MEI4: variants seen among roughly 807,000 people sequenced by gnomAD.
MEI4 encodes the protein meiotic double-stranded break formation protein 4.
In MEI4, 27 loss-of-function variants were observed where a neutral mutation model predicts 31.4. The observed-to-expected ratio is 0.86, with a 90% CI of 0.63 to 1.19. MEI4 has a LOEUF of 1.19. MEI4 is among the 50% of genes most tolerant of loss of function. MEI4 has a pLI of 0.00. For synonymous variants in MEI4, 122 were observed against 145.4 expected (o/e 0.84, Z 1.16); for missense variants, 329 against 398.9 (o/e 0.82, Z 1.49).
chr6:77,777,945 T>C (rs552009456), intron 3 of MEI4, among the ~76,000 whole-genome samples: 194 of 151,866 alleles, frequency 1.3e-3, no homozygotes, highest in Middle Eastern at 3.4e-3. Flanking sequence ...GTTTGGAAGG[T>C]TTGGTACATA....
chr6:77,781,079 A>G (rs1399371682), intron 3 of MEI4, among the ~76,000 whole-genome samples: 2 of 151,832 alleles, frequency 1.3e-5, no homozygotes, highest in East Asian at 1.9e-4. Context: ...TTTGTTTTTT[A>G]TAGAGACAGG....
rs910244569 is a variant in MEI4, at chr6:77,743,267, T to C, written c.233-17863T>C. 6.6e-5 allele frequency among the ~76,000 whole-genome samples: 10 copies of C among 152,290 alleles called. No homozygotes were observed. In the East Asian group the frequency reaches 1.7e-3, roughly 26 times the overall value. ...CCTACCCATGAGCATGGAATGTTCTTCCATTTGTTTGTATCCTCTTTTATT... is the reference window on the plus strand; with the variant it reads ...CCTACCCATGAGCATGGAATGTTCTCCCATTTGTTTGTATCCTCTTTTATT... On this transcript the variant is annotated intron_variant, in intron 2 of 4. Transcript: ENST00000684080.
upstream of MEI4, among the ~76,000 whole-genome samples, chr6:77,651,267 CAT>C (rs1201216747): frequency 6.6e-6 from 1 of 152,088 alleles, no homozygotes; most frequent in East Asian, 1.9e-4. Flanking sequence ...CAGGAAGCCA[CAT>C]ATGTATGGAG....
At chr6:77,807,223 TAAG>T (rs1158059087) in intron 3 of MEI4, among the ~76,000 whole-genome samples, 1 of 151,878 alleles carries the variant, frequency 6.6e-6, no homozygotes, top group Non-Finnish European at 1.5e-5. Flanking sequence ...TTCTGTGAGT[TAAG>T]AAGTAATTTT....
chr6:77,672,683 G>A (rs1377590627), intron 1 of MEI4, among the ~76,000 whole-genome samples: 1 of 152,148 alleles, frequency 6.6e-6, no homozygotes, highest in South Asian at 2.1e-4. Flanking sequence ...GAGATTACAG[G>A]TGTGCACCAC....
chr6:77,786,821 T>G (rs1382392759), intron 3 of MEI4, among the ~76,000 whole-genome samples: 1 of 151,834 alleles, frequency 6.6e-6, no homozygotes, highest in Non-Finnish European at 1.5e-5. Flanking sequence ...TGTATAAGAA[T>G]AAGACTAAAA....
intron 3 of MEI4, among the ~76,000 whole-genome samples, chr6:77,825,992 G>T (rs1365851255): frequency 3.9e-5 from 6 of 152,094 alleles, no homozygotes; most frequent in Admixed American, 2.6e-4. Context: ...TTGGCCATTG[G>T]CTGGGAATAT....
At chr6:77,773,940 A>G (rs184688364) in intron 3 of MEI4, among the ~76,000 whole-genome samples, 1 of 152,120 alleles carries the variant, frequency 6.6e-6, no homozygotes, top group Non-Finnish European at 1.5e-5. Context: ...CATCAGGAAA[A>G]TGCAAATTAA....
chr6:77,835,665 G>A (rs925911160), intron 4 of MEI4, among the ~76,000 whole-genome samples: 44 of 152,108 alleles, frequency 2.9e-4, no homozygotes, highest in African/African-American at 1.1e-3. Flanking sequence ...AATTAAAGAT[G>A]CATATCCTGT....
intron 1 of MEI4, among the ~76,000 whole-genome samples, chr6:77,659,894 G>A (rs983969555): frequency 1.6e-4 from 25 of 152,178 alleles, no homozygotes; most frequent in African/African-American, 6.0e-4. Flanking sequence ...GCAGCCACAG[G>A]AATAGTAGTT....
At chr6:77,914,873 TCTC>T (rs779840822) in intron 4 of MEI4, among the ~76,000 whole-genome samples, 10 of 152,126 alleles carry the variant, frequency 6.6e-5, no homozygotes, top group South Asian at 2.1e-4. Context: ...AAGTATCACT[TCTC>T]CTGCTACTTT....
intron 2 of MEI4, among the ~76,000 whole-genome samples, chr6:77,737,046 A>C (rs1767262308): frequency 6.6e-6 from 1 of 152,192 alleles, no homozygotes. Flanking sequence ...ATAAGATGAC[A>C]AACTAGGTTG....
intron 4 of MEI4, among the ~76,000 whole-genome samples, chr6:77,922,722 A>G (rs1766733307): frequency 1.3e-5 from 2 of 151,736 alleles, no homozygotes; most frequent in Non-Finnish European, 1.5e-5. Context: ...TATCAAAATA[A>G]GTACCATGAA....
intron 1 of MEI4, among the ~76,000 whole-genome samples, chr6:77,667,594 G>A (rs534309157): frequency 6.6e-6 from 1 of 152,246 alleles, no homozygotes; most frequent in African/African-American, 2.4e-5. Flanking sequence ...TGGCTCTGAT[G>A]GGCTCACTCG....
chr6:77,778,354 G>A (rs2127689284), intron 3 of MEI4, among the ~76,000 whole-genome samples: 1 of 152,124 alleles, frequency 6.6e-6, no homozygotes, highest in East Asian at 1.9e-4. Flanking sequence ...ACTTGCTATG[G>A]AATAAATGTT....
intron 2 of MEI4, among the ~76,000 whole-genome samples, chr6:77,753,101 T>G (rs2127678751): frequency 6.6e-6 from 1 of 152,200 alleles, no homozygotes; most frequent in Middle Eastern, 3.4e-3. Flanking sequence ...AAAAATTAAC[T>G]CAAGATGGAT....
intron 1 of MEI4, among the ~76,000 whole-genome samples, chr6:77,680,875 C>T (rs1259742144): frequency 2.0e-5 from 3 of 152,112 alleles, no homozygotes; most frequent in Non-Finnish European, 2.9e-5. Flanking sequence ...AAGTAGGATC[C>T]TTTATCAGAA....
intron 1 of MEI4, among the ~76,000 whole-genome samples, chr6:77,662,414 G>T (rs1374358343): frequency 6.6e-6 from 1 of 152,126 alleles, no homozygotes; most frequent in Non-Finnish European, 1.5e-5. Context: ...TGTGGTATCC[G>T]GAATAATGTG....
At chr6:77,870,825 A>C (rs1027095193) in intron 4 of MEI4, among the ~76,000 whole-genome samples, 1 of 152,162 alleles carries the variant, frequency 6.6e-6, no homozygotes, top group South Asian at 2.1e-4. Flanking sequence ...CTACCTGCCC[A>C]TCATATTGTT....
Sources: allele counts gnomAD v4.1 joint callset (sites outside exome capture counted in the v4.1 genomes callset), GRCh38; gene constraint gnomAD v4.1.1; transcripts MANE v1.5; gene names NCBI Gene and HGNC (gene_info 2026-07-23, HGNC 2026-07-21).